The following B9D1 variants were observed in gnomAD, a reference collection of about 807,000 sequenced individuals.
B9D1 encodes B9 domain-containing protein 1.
In B9D1, 20 loss-of-function variants were observed where a neutral mutation model predicts 26.1. The ratio of observed to expected loss-of-function variants is 0.77; its 90% CI spans 0.54 to 1.12. The LOEUF (loss-of-function observed/expected upper bound fraction) is 1.12, where lower values mean the gene tolerates loss of function less well. B9D1 is among the 50% of genes most tolerant of loss of function. The pLI is 0.00. For synonymous variants in B9D1, 105 were observed against 103.1 expected (o/e 1.02, Z -0.11); for missense variants, 260 against 273.7 (o/e 0.95, Z 0.35).
chr17:19,377,860 T>C (rs1912229010), exon 1 of B9D1: 22 of 985,174 alleles, frequency 2.2e-5, no homozygotes, highest in South Asian at 1.4e-4. Context: ...GGAAGATACC[T>C]AGAAGCCAGG....
At chr17:19,345,990 G>T (rs1273244248) in intron 5 of B9D1, among the ~76,000 whole-genome samples, 1 of 152,212 alleles carries the variant, frequency 6.6e-6, no homozygotes, top group Non-Finnish European at 1.5e-5. Flanking sequence ...CTCCACAGGG[G>T]CTGTGAAACC....
chr17:19,338,818 C>T (rs1907672548), downstream of B9D1, among the ~76,000 whole-genome samples: 1 of 152,236 alleles, frequency 6.6e-6, no homozygotes, highest in Non-Finnish European at 1.5e-5. Flanking sequence ...TGGAATAGCT[C>T]TAGCCAGAAT....
rs564119170 is a variant in B9D1 at position 19,346,802 on chromosome 17, A to G, written c.404+467T>C. The stretch of plus-strand genomic sequence containing the variant: ...AAGCTCACGCTCTCCTCAGCCTGGC[A>G]GGCACTGTTCCCTGTGCCTGATGTT... On this transcript the variant is annotated intron_variant, in intron 5 of 6. Coordinates refer to ENST00000261499, the MANE Select transcript of B9D1 (RefSeq NM_015681.6). The G allele has an allele frequency of 4.7e-6, 4 of 850,774 alleles. No homozygotes were observed. The African/African-American group carries it at 6.9e-5, about 15-fold the overall frequency. The allele number at this position is 850,774 out of a possible 1,614,324, so 52.7% of individuals were successfully genotyped here.
chr17:19,336,497 C>G (rs1025348292), downstream of B9D1: 1 of 152,650 alleles, frequency 6.6e-6, no homozygotes, highest in Middle Eastern at 3.2e-3. Flanking sequence ...CAGGCCATCC[C>G]GAGTGCATGT....
upstream of B9D1, chr17:19,362,975 C>A: frequency 3.4e-6 from 1 of 293,906 alleles, no homozygotes; most frequent in East Asian, 9.3e-5. Flanking sequence ...TGGGGAGCAG[C>A]GCTCCGACTC....
rs1290681499 is a variant in B9D1, at chr17:19,362,722, G to T, written c.-153C>A. On this transcript the variant is annotated 5_prime_UTR_variant, in exon 1 of 7. Transcript: ENST00000261499. ...GGCCACGCGAGTGCGCGTGTGGCAT[G>T]CGCAGGCGCAGTGAACGGGCGCCGT... 3 of 1,527,350 alleles carry T rather than the reference G, an allele frequency of 2.0e-6. No individual in the cohort carries two copies. The highest frequency in any genetic ancestry group is 1.4e-5 in the African/African-American group (1 of 72,886). 94.6% of individuals were successfully genotyped at this position (1,527,350 alleles called of 1,614,324 possible).
At chr17:19,346,827 T>C (rs1233093818) in intron 5 of B9D1, 1 of 1,107,800 alleles carries the variant, frequency 9.0e-7, no homozygotes, top group Non-Finnish European at 1.2e-6. Flanking sequence ...TGCCTGATGT[T>C]CTTCCCCGGC....
downstream of B9D1, among the ~76,000 whole-genome samples, chr17:19,339,965 A>G (rs1417905288): frequency 1.3e-5 from 2 of 151,494 alleles, no homozygotes; most frequent in African/African-American, 4.8e-5. Flanking sequence ...CAGCATGGAC[A>G]GCAAGTAAGC....
At chr17:19,354,654 C>T (rs905692696) in intron 3 of B9D1, among the ~76,000 whole-genome samples, 4 of 152,006 alleles carry the variant, frequency 2.6e-5, no homozygotes, top group South Asian at 4.2e-4. Context: ...ATGGTGAAAC[C>T]CCATCTCTAC....
chr17:19,352,514 ATTTTTTTTTTTTTT>A (rs34659490), intron 3 of B9D1, among the ~76,000 whole-genome samples: 1 of 95,122 alleles, frequency 1.1e-5, no homozygotes, highest in South Asian at 3.8e-4. Flanking sequence ...GGCCTGGCTA[ATTTTTTTTTTTTTT>A]TTTTTTTTTT....
Position 19,372,782 on chromosome 17 carries a change from T to C in B9D1, c.-298+5077A>G, listed in dbSNP as rs1365139247. On this transcript the variant is annotated intron_variant, in intron 1 of 5. Coordinates refer to the B9D1 transcript ENST00000477478. This position sits in a 1 kb window ranked among gnomAD's most constrained non-coding sequence, Gnocchi z 4.4. The stretch of plus-strand genomic sequence containing the variant: ...AACCAAAGCGTGCCTTCGTAAAACT[T>C]AAGAGCATGGGATTGGAAGGGAGGC... Among the ~76,000 whole-genome samples the C allele has an allele frequency of 1.3e-5, 2 of 152,136 alleles. No individual in the cohort carries two copies. Among genetic ancestry groups the C allele is most frequent in the African/African-American group, 4.8e-5 (2 of 41,412 alleles).
At chr17:19,373,130 C>T (rs1911969792) in intron 1 of B9D1, among the ~76,000 whole-genome samples, 1 of 152,164 alleles carries the variant, frequency 6.6e-6, no homozygotes, top group African/African-American at 2.4e-5. Flanking sequence ...CCCTGGAACC[C>T]ATGCTGGGAC....
At chr17:19,342,819 G>T (rs1419908452), downstream of B9D1, among the ~76,000 whole-genome samples, 4 of 152,174 alleles carry the variant, frequency 2.6e-5, no homozygotes, top group African/African-American at 9.7e-5. Context: ...CACCATTCCA[G>T]CTCCCAATAA....
rs868118252 is a variant in B9D1, at chr17:19,372,583, C to T, written c.-298+5276G>A. 1.3e-5 allele frequency among the ~76,000 whole-genome samples: 2 copies of T among 152,248 alleles called. No homozygotes were observed. Among genetic ancestry groups the T allele is most frequent in the Middle Eastern group, 3.4e-3 (1 of 294 alleles). ...CCGACTTCCTGTGCTGGGCAAAGGGCCCATTCTTAGCTCCCCAGGGCCGGC... is the reference window on the plus strand; with the variant it reads ...CCGACTTCCTGTGCTGGGCAAAGGGTCCATTCTTAGCTCCCCAGGGCCGGC... On this transcript the variant is annotated intron_variant, in intron 1 of 5. Coordinates refer to the B9D1 transcript ENST00000477478. The surrounding 1 kb of genome is among the most constrained non-coding windows in gnomAD (Gnocchi z 4.4).
upstream of B9D1, among the ~76,000 whole-genome samples, chr17:19,364,147 G>A (rs1274854638): frequency 6.6e-6 from 1 of 152,168 alleles, no homozygotes; most frequent in Non-Finnish European, 1.5e-5. This position sits in a 1 kb window ranked among gnomAD's most constrained non-coding sequence, Gnocchi z 4.3. Context: ...TGTAGTTATC[G>A]AATAACTGGG....
At chr17:19,361,137 A>T (rs1235913789) in intron 1 of B9D1, among the ~76,000 whole-genome samples, 1 of 151,854 alleles carries the variant, frequency 6.6e-6, no homozygotes, top group African/African-American at 2.4e-5. Flanking sequence ...ACTGTCTCCC[A>T]TCACACCCAG....
downstream of B9D1, chr17:19,343,150 A>G: frequency 4.9e-6 from 7 of 1,442,306 alleles, no homozygotes; most frequent in Non-Finnish European, 5.4e-6. Flanking sequence ...GCTAAACAGG[A>G]GAGAAGGCAG....
At position 19,347,260 on chromosome 17, in the gene B9D1, A is replaced by C. The variant is rs1172490602; in HGVS notation, c.404+9T>G. 5.0e-6 allele frequency: 8 copies of C among 1,614,140 alleles called. No individual in the cohort carries two copies. Among genetic ancestry groups the C allele is most frequent in the Non-Finnish European group, 5.9e-6 (7 of 1,180,062 alleles). Reference sequence around the variant, plus strand: ...CAGGAGGGGCTGGGGTTATGGGTACAAAACTCACCTTGTAAACTTCTGCAG... The same window carrying C: ...CAGGAGGGGCTGGGGTTATGGGTACCAAACTCACCTTGTAAACTTCTGCAG... On this transcript the variant is annotated intron_variant, in intron 5 of 6. Transcript: ENST00000261499. This position sits in a 1 kb window ranked among gnomAD's most constrained non-coding sequence, Gnocchi z 4.3.
chr17:19,367,388 T>C (rs146761859), upstream of B9D1, among the ~76,000 whole-genome samples: 1 of 149,200 alleles, frequency 6.7e-6, no homozygotes, highest in Non-Finnish European at 1.5e-5. Flanking sequence ...CTCGGCTCAC[T>C]GCAACCTCTG....
Sources: allele counts gnomAD v4.1 joint callset (sites outside exome capture counted in the v4.1 genomes callset), GRCh38; gene constraint gnomAD v4.1.1; non-coding constraint Gnocchi (gnomAD v3.1); transcripts MANE v1.5; gene names NCBI Gene and HGNC (gene_info 2026-07-23, HGNC 2026-07-21).